Variants in GTF3C1 observed in about 807,000 individuals in gnomAD.
The protein encoded by GTF3C1 is general transcription factor IIIC subunit 1, also known as general transcription factor 3C polypeptide 1.
A neutral mutation model predicts 226.7 loss-of-function variants in GTF3C1; 57 were observed. That is an observed-to-expected ratio of 0.25 (90% CI 0.20 to 0.31). The LOEUF is 0.31. Among genes scored for constraint, GTF3C1 ranks in the 10% least tolerant of loss-of-function variants. GTF3C1 has a pLI of 1.00. For synonymous variants in GTF3C1, 1,090 were observed against 1,084.8 expected (o/e 1.00, Z -0.09); for missense variants, 2,217 against 2,776.1 (o/e 0.80, Z 4.53).
At chr16:27,502,763 A>G in intron 11 of GTF3C1, 96 bp downstream of exon 11, 2 of 1,256,046 alleles carry the variant, frequency 1.6e-6, no homozygotes, top group African/African-American at 2.9e-5. Flanking sequence ...AGAGATTTGA[A>G]TGCCCCTCAG....
At position 27,533,315 on chromosome 16, in the gene GTF3C1, C is replaced by G; in HGVS notation, c.825G>C (p.Thr275=). The change falls in exon 5 of 37, where the codon ACG becomes ACC. Residue 275 remains threonine, a synonymous_variant. Transcript: ENST00000356183. The stretch of plus-strand genomic sequence containing the variant: ...CCAGCTCTTCCCTCAGCTTTCCCAG[C>G]GTCTCTATGTGGTTAGTCCGTGTGC... The part of the protein sequence containing the change: ...MLSTRTNHIE[T]LGKLREELGL... The G allele has an allele frequency of 6.3e-7, 1 of 1,599,676 alleles. No homozygotes were observed.
At position 27,478,401 on chromosome 16, in the gene GTF3C1, G is replaced by A. The variant is rs1474293229; in HGVS notation, c.4259+68C>T. On this transcript the variant is annotated intron_variant, in intron 28 of 36. Transcript: ENST00000356183. Reference sequence around the variant, plus strand: ...GGATTTGGCCCTAGATTACCCCAGTGCAATAGGTTGTCAGCCATCAAGTTA... The same window carrying A: ...GGATTTGGCCCTAGATTACCCCAGTACAATAGGTTGTCAGCCATCAAGTTA... 9 of 1,094,644 alleles carry A rather than the reference G, an allele frequency of 8.2e-6. No individual in the cohort carries two copies. In the South Asian group the frequency reaches 8.7e-5, roughly 11 times the overall value. The allele number at this position is 1,094,644 out of a possible 1,614,324, so 67.8% of individuals were successfully genotyped here. A position where few individuals can be genotyped will look rare whatever the true frequency, so the allele number is the denominator to read the frequency against.
At position 27,471,900 on chromosome 16, in the gene GTF3C1, C is replaced by T. The variant is rs377439135; in HGVS notation, c.4374G>A (p.Glu1458=). 7.4e-6 allele frequency: 12 copies of T among 1,614,014 alleles called. No homozygotes were observed. The African/African-American group carries it at 1.5e-4, about 20-fold the overall frequency. ...QSFQTFRLYR[E]YKDHVLVKAF... is the part of the protein sequence containing the mutation. ...CCTTCACAAGAACGTGGTCCTTGTA[C>T]TCCCGATAGAGGCGGAAAGTCTGCA... Residue 1458 remains glutamate, a synonymous_variant, in exon 30 of 37, where the codon GAG becomes GAA. Coordinates refer to ENST00000356183, the MANE Select transcript of GTF3C1 (RefSeq NM_001520.4). The surrounding 1 kb of genome is among the most constrained non-coding windows in gnomAD (Gnocchi z 5.0).
intron 22 of GTF3C1, 65 bp from the exon 23 acceptor site, chr16:27,488,480 C>T (rs2141374155): frequency 4.5e-6 from 7 of 1,552,376 alleles, no homozygotes; most frequent in Admixed American, 1.7e-5. Flanking sequence ...AAGACCAAAC[C>T]GAACATAGGG....
chr16:27,525,073 C>T (rs2088809316), intron 6 of GTF3C1, among the ~76,000 whole-genome samples: 1 of 152,092 alleles, frequency 6.6e-6, no homozygotes, highest in African/African-American at 2.4e-5. Flanking sequence ...ATCACTTGAA[C>T]CCGGGAGGCA....
At position 27,505,884 on chromosome 16, in the gene GTF3C1, T is replaced by C; in HGVS notation, c.1770+15A>G. 1 of 1,441,638 alleles carries C rather than the reference T, an allele frequency of 6.9e-7. No homozygotes were observed. Among genetic ancestry groups the C allele is most frequent in the East Asian group, 2.3e-5 (1 of 44,066 alleles). The allele number at this position is 1,441,638 out of a possible 1,614,324, so 89.3% of individuals were successfully genotyped here. ...TCCTTCTTGGAGACAGCTCCCTCCCTCTGCATGCACTGACCTTTGGGTTTT... is the reference window on the plus strand; with the variant it reads ...TCCTTCTTGGAGACAGCTCCCTCCCCCTGCATGCACTGACCTTTGGGTTTT... On this transcript the variant is annotated intron_variant, in intron 10 of 36. Coordinates refer to ENST00000356183, the MANE Select transcript of GTF3C1 (RefSeq NM_001520.4).
At position 27,463,762 on chromosome 16, in the gene GTF3C1, G is replaced by A; in HGVS notation, c.5873-170C>T. The A allele has an allele frequency of 1.5e-6, 1 of 648,534 alleles. No homozygotes were observed. Among genetic ancestry groups the A allele is most frequent in the Non-Finnish European group, 2.7e-6 (1 of 363,650 alleles). 40.2% of individuals were successfully genotyped at this position (648,534 alleles called of 1,614,324 possible). A position where few individuals can be genotyped will look rare whatever the true frequency, so the allele number is the denominator to read the frequency against. On this transcript the variant is annotated intron_variant, in intron 34 of 36. Transcript: ENST00000356183. The surrounding 1 kb of genome is among the most constrained non-coding windows in gnomAD (Gnocchi z 4.9). ...CTCACAGAGCGGCCACCCTGGAGGT[G>A]GCAGGGCCGGGCAGACTGCCGCACA...
chr16:27,511,989 G>T lies in GTF3C1; in HGVS notation c.974-88C>A. The T allele has an allele frequency of 2.8e-6, 4 of 1,415,332 alleles. No individual in the cohort carries two copies. The South Asian group carries it at 4.9e-5, about 17-fold the overall frequency. The allele number at this position is 1,415,332 out of a possible 1,614,324, so 87.7% of individuals were successfully genotyped here. The stretch of plus-strand genomic sequence containing the variant: ...GGGGTTCTGAAATATCACAGCACAT[G>T]TCAGCAGAGACAGAGATCCCCACAA... On this transcript the variant is annotated intron_variant, in intron 6 of 36. Transcript: ENST00000356183.
chr16:27,516,604 C>A (rs2088662226), intron 6 of GTF3C1, among the ~76,000 whole-genome samples: 1 of 152,240 alleles, frequency 6.6e-6, no homozygotes, highest in African/African-American at 2.4e-5. Context: ...ATGCCAATCA[C>A]AGACACATTT....
intron 2 of GTF3C1, among the ~76,000 whole-genome samples, chr16:27,538,593 G>C (rs570874306): frequency 1.2e-4 from 19 of 152,134 alleles, no homozygotes; most frequent in Non-Finnish European, 2.6e-4. Flanking sequence ...TTATTTCCTT[G>C]CTGATAGCCC....
chr16:27,545,295 G>A lies in GTF3C1; in HGVS notation c.431+19C>T. ...CCCGGCCAGATTCCCAGGAATTTCT[G>A]ATGGTGCAAAATAGTTACCTGTCAA... On this transcript the variant is annotated intron_variant, in intron 2 of 36. Transcript: ENST00000356183. 6.3e-7 allele frequency: 1 copy of A among 1,575,312 alleles called. No homozygotes were observed. The highest frequency in any genetic ancestry group is 8.7e-7 in the Non-Finnish European group (1 of 1,144,654).
At position 27,492,311 on chromosome 16, in the gene GTF3C1, G is replaced by C; in HGVS notation, c.3151+27C>G. 1 of 1,429,484 alleles carries C rather than the reference G, an allele frequency of 7.0e-7. No homozygotes were observed. The highest frequency in any genetic ancestry group is 9.7e-7 in the Non-Finnish European group (1 of 1,030,854). The allele number at this position is 1,429,484 out of a possible 1,614,324, so 88.6% of individuals were successfully genotyped here. A position where few individuals can be genotyped will look rare whatever the true frequency, so the allele number is the denominator to read the frequency against. ...ACACAGAAAGGAGCAAAAGCAGCCA[G>C]GTTCAGCCGAGACAGCCGACACCCA... On this transcript the variant is annotated intron_variant, in intron 19 of 36. Coordinates refer to ENST00000356183, the MANE Select transcript of GTF3C1 (RefSeq NM_001520.4). The surrounding 1 kb of genome is among the most constrained non-coding windows in gnomAD (Gnocchi z 5.0).
chr16:27,530,580 C>T (rs2088900837), intron 5 of GTF3C1, among the ~76,000 whole-genome samples: 1 of 152,196 alleles, frequency 6.6e-6, no homozygotes, highest in Non-Finnish European at 1.5e-5. Flanking sequence ...TCCTGCTCAG[C>T]TCTCTGTGAC....
rs2087692131 is a variant in GTF3C1, at chr16:27,460,878, T to A, written c.*472A>T. ...GTTCAGTCCCAGCCAGGGGTTGGGATGTCCTGCCTGCGGAGGGGCCACAGC... is the reference window on the plus strand; with the variant it reads ...GTTCAGTCCCAGCCAGGGGTTGGGAAGTCCTGCCTGCGGAGGGGCCACAGC... On this transcript the variant is annotated 3_prime_UTR_variant, in exon 37 of 37. Transcript: ENST00000356183. 1 of 154,672 alleles carries A rather than the reference T, an allele frequency of 6.5e-6. No homozygotes were observed. Among genetic ancestry groups the A allele is most frequent in the South Asian group, 2.0e-4 (1 of 4,966 alleles). The allele number at this position is 154,672 out of a possible 1,614,324, so 9.6% of individuals were successfully genotyped here.
At chr16:27,528,766 G>A (rs2088870628) in intron 5 of GTF3C1, 45 bp from the exon 6 acceptor site, 1 of 1,578,216 alleles carries the variant, frequency 6.3e-7, no homozygotes, top group African/African-American at 1.4e-5. Context: ...ACAGCAAGAT[G>A]TCTGAAATGA....
chr16:27,465,604 A>G lies in GTF3C1; in HGVS notation c.5075-64T>C, dbSNP rs147661184. The G allele has an allele frequency of 4.7e-6, 6 of 1,287,374 alleles. No individual in the cohort carries two copies. In the African/African-American group the frequency reaches 8.8e-5, roughly 19 times the overall value. 79.7% of individuals were successfully genotyped at this position (1,287,374 alleles called of 1,614,324 possible). On this transcript the variant is annotated intron_variant, in intron 32 of 36. Transcript: ENST00000356183. The stretch of plus-strand genomic sequence containing the variant: ...GAGGCCCCCCTCCCCTGACCAATGC[A>G]CAGGCCACACCCAGGAAAGGCATGC...
chr16:27,535,438 G>A (rs2088986083), intron 4 of GTF3C1, among the ~76,000 whole-genome samples: 1 of 152,054 alleles, frequency 6.6e-6, no homozygotes, highest in African/African-American at 2.4e-5. Flanking sequence ...AGCCAGGTGT[G>A]GTGGCACATG....
rs1244842886 is a variant in GTF3C1, at chr16:27,484,360, C to T, written c.3859-7G>A. 1 of 1,599,980 alleles carries T rather than the reference C, an allele frequency of 6.3e-7. No individual in the cohort carries two copies. ...TGACAAATGGGCCCTTCACCTGGAT[C>T]AAACACAGAGCCAAGACAAAAAGTC... On this transcript the variant is annotated splice_polypyrimidine_tract_variant and splice_region_variant and intron_variant, in intron 24 of 36. Transcript: ENST00000356183.
chr16:27,478,559 G>A (rs1348549000), intron 27 of GTF3C1, 28 bp from the exon 28 acceptor site: 2 of 1,553,398 alleles, frequency 1.3e-6, no homozygotes, highest in Non-Finnish European at 1.8e-6. Flanking sequence ...CAGCATGTCA[G>A]TGAAACAAAA....
Sources: allele counts gnomAD v4.1 joint callset (sites outside exome capture counted in the v4.1 genomes callset), GRCh38; gene constraint gnomAD v4.1.1; non-coding constraint Gnocchi (gnomAD v3.1); transcripts MANE v1.5; gene names NCBI Gene and HGNC (gene_info 2026-07-23, HGNC 2026-07-21).